The following ZCCHC7 variants were observed in gnomAD, a reference collection of about 807,000 sequenced individuals.
ZCCHC7 encodes zinc finger CCHC domain-containing protein 7.
In ZCCHC7, 35 loss-of-function variants were observed where a neutral mutation model predicts 52.0. That is an observed-to-expected ratio of 0.67 (90% confidence interval 0.51 to 0.89). The LOEUF is 0.89. Among genes scored for constraint, ZCCHC7 ranks in the 40% least tolerant of loss-of-function variants. The pLI is 0.00. For missense variants in ZCCHC7, 574 were observed against 649.1 expected (o/e 0.88, Z 1.26); for synonymous variants, 217 against 221.5 (o/e 0.98, Z 0.18).
chr9:37,252,694 C>T (rs1826387118), intron 2 of ZCCHC7, among the ~76,000 whole-genome samples: 1 of 152,088 alleles, frequency 6.6e-6, no homozygotes, highest in African/African-American at 2.4e-5. Flanking sequence ...CCAGTCAACC[C>T]AATTTAAGTC....
rs1428543512 is a variant in ZCCHC7, at chr9:37,261,295, A to G, written c.611-40893A>G. On this transcript the variant is annotated intron_variant, in intron 2 of 8. Transcript: ENST00000336755. ...TTTTGTCCTCTGTAAAATGGACAAG[A>G]GTTGAAACAAGCAATGTATATGAAA... is the stretch of plus-strand genomic sequence containing the variant. Among the ~76,000 whole-genome samples, 4 of 152,200 alleles carry G rather than the reference A, an allele frequency of 2.6e-5. No individual in the cohort carries two copies. The East Asian group carries it at 7.7e-4, about 29-fold the overall frequency.
intron 2 of ZCCHC7, among the ~76,000 whole-genome samples, chr9:37,241,174 A>C (rs1460003901): frequency 6.6e-6 from 1 of 151,784 alleles, no homozygotes; most frequent in Non-Finnish European, 1.5e-5. Context: ...TTTTGCTTAT[A>C]ATATGCCAAA....
intron 2 of ZCCHC7, among the ~76,000 whole-genome samples, chr9:37,272,491 T>TTAAAAAAAA: frequency 1.0e-5 from 1 of 97,806 alleles, no homozygotes; most frequent in Non-Finnish European, 2.1e-5. Flanking sequence ...AGCTGTGTGG[T>TTAAAAAAAA]AAAAAAAAAA....
intron 2 of ZCCHC7, among the ~76,000 whole-genome samples, chr9:37,225,897 A>G (rs1205332010): frequency 6.6e-6 from 1 of 152,236 alleles, no homozygotes; most frequent in East Asian, 1.9e-4. Flanking sequence ...TCTCAGATAC[A>G]TTTCTACATT....
intron 2 of ZCCHC7, among the ~76,000 whole-genome samples, chr9:37,197,621 A>G (rs138292509): frequency 6.6e-6 from 1 of 152,236 alleles, no homozygotes; most frequent in African/African-American, 2.4e-5. Context: ...TAATTCAGTT[A>G]TTTGATCTAA....
chr9:37,161,524 A>G (rs562600932), intron 2 of ZCCHC7, among the ~76,000 whole-genome samples: 32 of 152,162 alleles, frequency 2.1e-4, no homozygotes, highest in Admixed American at 1.0e-3. Context: ...GCAGTGAGCC[A>G]AGATGGCGTC....
intron 2 of ZCCHC7, among the ~76,000 whole-genome samples, chr9:37,228,162 C>T (rs1223468901): frequency 1.3e-5 from 2 of 152,090 alleles, no homozygotes; most frequent in East Asian, 1.9e-4. Context: ...TAATCTTTTC[C>T]TATGACTATT....
intron 2 of ZCCHC7, among the ~76,000 whole-genome samples, chr9:37,178,719 A>T (rs1564161035): frequency 6.6e-6 from 1 of 152,234 alleles, no homozygotes; most frequent in Non-Finnish European, 1.5e-5. Context: ...TTAAACAGTG[A>T]AAGTAAATTT....
intron 6 of ZCCHC7, among the ~76,000 whole-genome samples, chr9:37,337,034 T>C (rs534939858): frequency 2.0e-5 from 3 of 152,230 alleles, no homozygotes; most frequent in East Asian, 3.9e-4. Flanking sequence ...CCTGAGAGGA[T>C]TATTTAACCT....
intron 6 of ZCCHC7, among the ~76,000 whole-genome samples, chr9:37,335,272 C>T (rs1049626683): frequency 9.2e-5 from 14 of 152,028 alleles, no homozygotes; most frequent in African/African-American, 3.4e-4. Flanking sequence ...GAAAACTGTG[C>T]TATACAGTTG....
chr9:37,206,018 G>A (rs1270504249), intron 2 of ZCCHC7, among the ~76,000 whole-genome samples: 1 of 151,868 alleles, frequency 6.6e-6, no homozygotes, highest in East Asian at 1.9e-4. Context: ...TCCTGACAAC[G>A]TCATTTGTTC....
At chr9:37,308,217 GT>G (rs1829422908) in intron 5 of ZCCHC7, among the ~76,000 whole-genome samples, 1 of 152,084 alleles carries the variant, frequency 6.6e-6, no homozygotes, top group African/African-American at 2.4e-5. Flanking sequence ...ATTTTTTAGT[GT>G]TTACCAAGTC....
At chr9:37,223,070 T>C (rs1824909459) in intron 2 of ZCCHC7, among the ~76,000 whole-genome samples, 2 of 152,194 alleles carry the variant, frequency 1.3e-5, no homozygotes, top group Admixed American at 6.5e-5. Flanking sequence ...TGAAAGGCAA[T>C]TGGGCCATAG....
intron 6 of ZCCHC7, among the ~76,000 whole-genome samples, chr9:37,328,663 T>C (rs188852086): frequency 6.6e-6 from 1 of 152,070 alleles, no homozygotes; most frequent in African/African-American, 2.4e-5. Context: ...GTTAAAAGTT[T>C]TGTTTACACA....
At chr9:37,267,177 T>C (rs1827145332) in intron 2 of ZCCHC7, among the ~76,000 whole-genome samples, 1 of 152,182 alleles carries the variant, frequency 6.6e-6, no homozygotes, top group Non-Finnish European at 1.5e-5. Flanking sequence ...TAAAAAGTCT[T>C]TGATTCTCTA....
intron 2 of ZCCHC7, among the ~76,000 whole-genome samples, chr9:37,226,974 A>C (rs1194162327): frequency 6.8e-6 from 1 of 147,614 alleles, no homozygotes; most frequent in East Asian, 2.0e-4. Context: ...GCTTGCAGTG[A>C]GCCGAGATTG....
chr9:37,259,178 CAAGGGGAA>C (rs1826744266), intron 2 of ZCCHC7, among the ~76,000 whole-genome samples: 1 of 152,062 alleles, frequency 6.6e-6, no homozygotes, highest in South Asian at 2.1e-4. Flanking sequence ...GTTCAAAAAG[CAAGGGGAA>C]AAGTACAGTT....
chr9:37,302,315 A>C, intron 3 of ZCCHC7, 84 bp downstream of exon 3: 2 of 1,128,238 alleles, frequency 1.8e-6, no homozygotes, highest in South Asian at 1.4e-5. Context: ...AACATTAATA[A>C]GTTTAAGTGG....
intron 6 of ZCCHC7, among the ~76,000 whole-genome samples, chr9:37,345,411 A>G (rs974593729): frequency 1.3e-5 from 2 of 152,210 alleles, no homozygotes; most frequent in Admixed American, 1.3e-4. Context: ...TAAGGGATAC[A>G]TGGCTTACAT....
Sources: allele counts gnomAD v4.1 joint callset (sites outside exome capture counted in the v4.1 genomes callset), GRCh38; gene constraint gnomAD v4.1.1; transcripts MANE v1.5; gene names NCBI Gene and HGNC (gene_info 2026-07-23, HGNC 2026-07-21).